MOCS3: variants seen among roughly 807,000 people sequenced by gnomAD.
MOCS3 encodes adenylyltransferase and sulfurtransferase MOCS3.
Under a neutral mutation model 8.4 loss-of-function variants are expected in MOCS3, and 9 were observed. The observed-to-expected ratio is 1.07, with a 90% confidence interval of 0.65 to 1.87. The LOEUF (loss-of-function observed/expected upper bound fraction) is 1.87, where lower values mean the gene tolerates loss of function less well. Ranked by LOEUF, MOCS3 falls within the 40% of genes most tolerant of loss-of-function variation. MOCS3 has a pLI of 0.00. For missense variants in MOCS3, 581 were observed against 599.7 expected, an observed-to-expected ratio of 0.97 and a Z score of 0.33; for synonymous variants, 294 against 272.0, an observed-to-expected ratio of 1.08 and a Z score of -0.80.
In MOCS3 at chr20:50,961,645, T is replaced by C. The variant is rs1987105523; in HGVS notation, c.*1420T>C. On this transcript the variant is annotated 3_prime_UTR_variant, in exon 1 of 1. Coordinates refer to ENST00000244051, the MANE Select transcript of MOCS3 (RefSeq NM_014484.5). ...CCAGATTTACTTACCAGTTTGCAAT[T>C]TGTGATATAGAATCTTGTTTTATTA... 1 of 152,208 alleles carries C rather than the reference T, an allele frequency of 6.6e-6. No individual in the cohort carries two copies. Among genetic ancestry groups the C allele is most frequent in the Admixed American group, 6.5e-5 (1 of 15,288 alleles). 9.4% of individuals were successfully genotyped at this position (152,208 alleles called of 1,614,324 possible).
Position 50,961,266 on chromosome 20 carries a change from T to G in MOCS3, c.*1041T>G. 1 of 167,128 alleles carries G rather than the reference T, an allele frequency of 6.0e-6. No individual in the cohort carries two copies. Among genetic ancestry groups the G allele is most frequent in the Middle Eastern group, 3.1e-3 (1 of 318 alleles). The allele number at this position is 167,128 out of a possible 1,614,324, so 10.4% of individuals were successfully genotyped here. A position where few individuals can be genotyped will look rare whatever the true frequency, so the allele number is the denominator to read the frequency against. On this transcript the variant is annotated 3_prime_UTR_variant, in exon 1 of 1. Transcript: ENST00000244051. ...CTTTAATTTGCCTTTTCTCTTTTGATTTAATGTTTTTTTATTCCAGCATTT... is the reference window on the plus strand; with the variant it reads ...CTTTAATTTGCCTTTTCTCTTTTGAGTTAATGTTTTTTTATTCCAGCATTT...
Position 50,958,929 on chromosome 20 carries a change from G to A in MOCS3, c.87G>A (p.Ala29=). 1.2e-6 allele frequency: 2 copies of A among 1,610,140 alleles called. No homozygotes were observed. The highest frequency in any genetic ancestry group is 1.7e-6 in the Non-Finnish European group (2 of 1,177,352). Residue 29 remains alanine, a synonymous_variant, in exon 1 of 1, where the codon GCG becomes GCA. Coordinates refer to ENST00000244051, the MANE Select transcript of MOCS3 (RefSeq NM_014484.5). The part of the protein sequence containing the change: ...EELNSLKQKL[A]SALLAEQEPQ... ...TGAATTCGCTGAAGCAGAAGCTGGC[G>A]TCGGCTCTTTTGGCTGAGCAGGAAC...
chr20:50,960,236 A>G lies in MOCS3; in HGVS notation c.*11A>G. On this transcript the variant is annotated 3_prime_UTR_variant, in exon 1 of 1. Transcript: ENST00000244051. ...TTTCCACAGTACTGAGGTGACTGGT[A>G]TAGTCTGATGAGAAAGATGTGGATT... 4 of 1,587,374 alleles carry G rather than the reference A, an allele frequency of 2.5e-6. No homozygotes were observed. Among genetic ancestry groups the G allele is most frequent in the Non-Finnish European group, 2.6e-6 (3 of 1,165,196 alleles).
chr20:50,960,900 C>T lies in MOCS3; in HGVS notation c.*675C>T, dbSNP rs371870989. The T allele has an allele frequency of 1.5e-3, 233 of 155,184 alleles. No homozygotes were observed. Among genetic ancestry groups the T allele is most frequent in the African/African-American group, 4.7e-3 (195 of 41,520 alleles). The allele number at this position is 155,184 out of a possible 1,614,324, so 9.6% of individuals were successfully genotyped here. A position where few individuals can be genotyped will look rare whatever the true frequency, so the allele number is the denominator to read the frequency against. On this transcript the variant is annotated 3_prime_UTR_variant, in exon 1 of 1. Coordinates refer to ENST00000244051, the MANE Select transcript of MOCS3 (RefSeq NM_014484.5). ...CTGGGATTACAGGCGCACGCCACCACGCCTGGCTAATTTTTGTATTTTTAG... is the reference window on the plus strand; with the variant it reads ...CTGGGATTACAGGCGCACGCCACCATGCCTGGCTAATTTTTGTATTTTTAG...
Position 50,959,111 on chromosome 20 carries a change from G to T in MOCS3, c.269G>T (p.Cys90Phe). ...LGTACVLIVG[C>F]GGLGCPLAQY... ...ACCGCGTGCGTGCTAATCGTGGGCT[G>T]CGGTGGGCTCGGCTGTCCACTAGCG... Residue 90 changes from cysteine (C) to phenylalanine (F), a missense_variant, in exon 1 of 1, where the codon TGC becomes TTC. Coordinates refer to ENST00000244051, the MANE Select transcript of MOCS3 (RefSeq NM_014484.5). 6.2e-7 allele frequency: 1 copy of T among 1,613,164 alleles called. No homozygotes were observed. The highest frequency in any genetic ancestry group is 8.5e-7 in the Non-Finnish European group (1 of 1,179,908).
In MOCS3 at chr20:50,959,360, A is replaced by T; in HGVS notation, c.518A>T (p.Tyr173Phe). 1.2e-6 allele frequency: 2 copies of T among 1,611,592 alleles called. No homozygotes were observed. Among genetic ancestry groups the T allele is most frequent in the Non-Finnish European group, 1.7e-6 (2 of 1,178,612 alleles). The change falls in exon 1 of 1, where the codon TAT (tyrosine) becomes TTT (phenylalanine). Residue 173 changes from tyrosine to phenylalanine, a missense_variant. Coordinates refer to ENST00000244051, the MANE Select transcript of MOCS3 (RefSeq NM_014484.5). The part of the protein sequence containing the change: ...PATALDLVRR[Y>F]DVVADCSDNV... ...ACTGCCCTAGACCTGGTCCGCCGAT[A>T]TGATGTGGTGGCTGACTGCTCGGAC...
At position 50,961,300 on chromosome 20, in the gene MOCS3, T is replaced by G. The variant is rs1229433081; in HGVS notation, c.*1075T>G. 1.8e-5 allele frequency: 3 copies of G among 166,650 alleles called. No individual in the cohort carries two copies. The highest frequency in any genetic ancestry group is 4.4e-5 in the Non-Finnish European group (3 of 68,062). The allele number at this position is 166,650 out of a possible 1,614,324, so 10.3% of individuals were successfully genotyped here. A position where few individuals can be genotyped will look rare whatever the true frequency, so the allele number is the denominator to read the frequency against. The stretch of plus-strand genomic sequence containing the variant: ...TTTTTATTCCAGCATTTTATACTAA[T>G]GTAAAATGTTTTTATGTTTGTTTAC... On this transcript the variant is annotated 3_prime_UTR_variant, in exon 1 of 1. Transcript: ENST00000244051.
In MOCS3 at chr20:50,962,716, A is replaced by G. The variant is rs1442157832; in HGVS notation, c.*2491A>G. On this transcript the variant is annotated 3_prime_UTR_variant, in exon 1 of 1. Coordinates refer to ENST00000244051, the MANE Select transcript of MOCS3 (RefSeq NM_014484.5). ...AGGCACCTGCCACCACATCTGGCTAATTTTTCTATTTTTAGTAGCGATGGG... is the reference window on the plus strand; with the variant it reads ...AGGCACCTGCCACCACATCTGGCTAGTTTTTCTATTTTTAGTAGCGATGGG... 1 of 151,976 alleles carries G rather than the reference A, an allele frequency of 6.6e-6. No homozygotes were observed. Among genetic ancestry groups the G allele is most frequent in the East Asian group, 1.9e-4 (1 of 5,168 alleles). The allele number at this position is 151,976 out of a possible 1,614,324, so 9.4% of individuals were successfully genotyped here.
Position 50,959,951 on chromosome 20 carries a change from C to T in MOCS3, c.1109C>T (p.Ala370Val). The change falls in exon 1 of 1, where the codon GCC becomes GTC. Residue 370 changes from alanine to valine, a missense_variant. Transcript: ENST00000244051. Reference sequence around the variant, plus strand: ...GTGGACATTTGTCGTTTGCCTCATGCCCTACACATCCCTCTGAAACATTTG... The same window carrying T: ...GTGGACATTTGTCGTTTGCCTCATGTCCTACACATCCCTCTGAAACATTTG... ...VEVDICRLPH[A>V]LHIPLKHLER... 6.2e-7 allele frequency: 1 copy of T among 1,614,260 alleles called. No individual in the cohort carries two copies. Among genetic ancestry groups the T allele is most frequent in the Non-Finnish European group, 8.5e-7 (1 of 1,180,050 alleles).
Position 50,959,981 on chromosome 20 carries a change from G to A in MOCS3, c.1139G>A (p.Arg380His), listed in dbSNP as rs532693962. 9 of 1,614,264 alleles carry A rather than the reference G, an allele frequency of 5.6e-6. No individual in the cohort carries two copies. The East Asian group carries it at 1.3e-4, about 24-fold the overall frequency. ...ALHIPLKHLE[R>H]RDAESLKLLK... ...CACATCCCTCTGAAACATTTGGAAC[G>A]CAGGGATGCGGAGAGCCTGAAACTC... is the stretch of plus-strand genomic sequence containing the variant. The change falls in exon 1 of 1, where the codon CGC (arginine) becomes CAC (histidine). Residue 380 changes from arginine (R) to histidine (H), a missense_variant. Transcript: ENST00000244051.
chr20:50,959,957 A>C lies in MOCS3; in HGVS notation c.1115A>C (p.His372Pro), dbSNP rs762649814. 1 of 1,614,238 alleles carries C rather than the reference A, an allele frequency of 6.2e-7. No homozygotes were observed. Among genetic ancestry groups the C allele is most frequent in the East Asian group, 2.2e-5 (1 of 44,890 alleles). Residue 372 changes from histidine (H) to proline (P), a missense_variant, in exon 1 of 1, where the codon CAC (histidine) becomes CCC (proline). Physicochemically the swap from His to Pro is moderately conservative, Grantham distance 77. Transcript: ENST00000244051. Reference sequence around the variant, plus strand: ...ATTTGTCGTTTGCCTCATGCCCTACACATCCCTCTGAAACATTTGGAACGC... The same window carrying C: ...ATTTGTCGTTTGCCTCATGCCCTACCCATCCCTCTGAAACATTTGGAACGC... ...VDICRLPHAL[H>P]IPLKHLERRD...
chr20:50,960,749 T>TC lies in MOCS3; in HGVS notation c.*524_*525insC, dbSNP rs1455512365. The TC allele has an allele frequency of 1.1e-4, 18 of 164,702 alleles. No homozygotes were observed. Among genetic ancestry groups the TC allele is most frequent in the African/African-American group, 4.3e-4 (18 of 41,402 alleles). 10.2% of individuals were successfully genotyped at this position (164,702 alleles called of 1,614,324 possible). A position where few individuals can be genotyped will look rare whatever the true frequency, so the allele number is the denominator to read the frequency against. On this transcript the variant is annotated 3_prime_UTR_variant, in exon 1 of 1. Coordinates refer to ENST00000244051, the MANE Select transcript of MOCS3 (RefSeq NM_014484.5). ...TTGAATTAGTATCAAAATGAGATTTTTTTTTTTTTTTTGAGATGGAATCTC... is the reference window on the plus strand; with the variant it reads ...TTGAATTAGTATCAAAATGAGATTTTCTTTTTTTTTTTTGAGATGGAATCTC...
At position 50,959,268 on chromosome 20, in the gene MOCS3, C is replaced by G; in HGVS notation, c.426C>G (p.Ala142=). 1 of 1,609,742 alleles carries G rather than the reference C, an allele frequency of 6.2e-7. No individual in the cohort carries two copies. The highest frequency in any genetic ancestry group is 1.1e-5 in the South Asian group (1 of 91,028). The change falls in exon 1 of 1, where the codon GCC becomes GCG. Residue 142 remains alanine (A), a synonymous_variant. Transcript: ENST00000244051. ...GCCAGGCCAAGGCCTTTTCGGCCGCCGCCTCGCTGCGCCGCCTCAATTCGG... is the reference window on the plus strand; with the variant it reads ...GCCAGGCCAAGGCCTTTTCGGCCGCGGCCTCGCTGCGCCGCCTCAATTCGG... The part of the protein sequence containing the change: ...LAGQAKAFSA[A]ASLRRLNSAV...
In MOCS3 at chr20:50,959,078, G is replaced by A; in HGVS notation, c.236G>A (p.Arg79His). The change falls in exon 1 of 1, where the codon CGC becomes CAC. Residue 79 changes from arginine (R) to histidine (H), a missense_variant. Transcript: ENST00000244051. ...GAGCTGGGCGTGCACGGACAGCTGC[G>A]CCTGGGGACCGCGTGCGTGCTAATC... ...LPELGVHGQLRLGTACVLIVG... is the reference protein window; with the variant it reads ...LPELGVHGQLHLGTACVLIVG... 1 of 1,613,030 alleles carries A rather than the reference G, an allele frequency of 6.2e-7. No individual in the cohort carries two copies. The highest frequency in any genetic ancestry group is 8.5e-7 in the Non-Finnish European group (1 of 1,179,866).
Position 50,959,209 on chromosome 20 carries a change from G to C in MOCS3, c.367G>C (p.Ala123Pro). ...TGACGTGGTAGAGATGAGCAACCTGGCCCGCCAAGTGCTGCATGGCGAGGC... is the reference window on the plus strand; with the variant it reads ...TGACGTGGTAGAGATGAGCAACCTGCCCCGCCAAGTGCTGCATGGCGAGGC... ...DYDVVEMSNL[A>P]RQVLHGEALA... The change falls in exon 1 of 1, where the codon GCC becomes CCC. Residue 123 changes from alanine to proline, a missense_variant. By Grantham distance (27) the Ala-to-Pro change is conservative (BLOSUM62 -1). Coordinates refer to ENST00000244051, the MANE Select transcript of MOCS3 (RefSeq NM_014484.5). The C allele has an allele frequency of 6.2e-7, 1 of 1,611,742 alleles. No individual in the cohort carries two copies.
rs1987081549 is a variant in MOCS3, at chr20:50,960,488, G to T, written c.*263G>T. The T allele has an allele frequency of 5.6e-6, 2 of 355,196 alleles. No individual in the cohort carries two copies. The highest frequency in any genetic ancestry group is 1.1e-5 in the Non-Finnish European group (2 of 187,420). The allele number at this position is 355,196 out of a possible 1,614,324, so 22.0% of individuals were successfully genotyped here. ...TGGACATGTGAGATGTAACGTGACAGGATTTTGCATTTTAAACTGCAGATC... is the reference window on the plus strand; with the variant it reads ...TGGACATGTGAGATGTAACGTGACATGATTTTGCATTTTAAACTGCAGATC... On this transcript the variant is annotated 3_prime_UTR_variant, in exon 1 of 1. Coordinates refer to ENST00000244051, the MANE Select transcript of MOCS3 (RefSeq NM_014484.5).
At position 50,959,131 on chromosome 20, in the gene MOCS3, CTAGCGCAGTACTTG is replaced by C. The variant is rs1280894367; in HGVS notation, c.290_303del (p.Leu97ArgfsTer14). 2 of 1,613,136 alleles carry C rather than the reference CTAGCGCAGTACTTG, an allele frequency of 1.2e-6. No individual in the cohort carries two copies. The highest frequency in any genetic ancestry group is 1.7e-6 in the Non-Finnish European group (2 of 1,179,932). ...GGGCTGCGGTGGGCTCGGCTGTCCA[CTAGCGCAGTACTTG>C]GCAGCGGCCGGCGTGGGCCGCCTTG... On this transcript the variant is annotated frameshift_variant, in exon 1 of 1. Coordinates refer to ENST00000244051, the MANE Select transcript of MOCS3 (RefSeq NM_014484.5). LOFTEE classifies it low-confidence loss of function (END_TRUNC).
In MOCS3 at chr20:50,960,107, T is replaced by C; in HGVS notation, c.1265T>C (p.Val422Ala). 6.2e-7 allele frequency: 1 copy of C among 1,614,246 alleles called. No homozygotes were observed. The highest frequency in any genetic ancestry group is 8.5e-7 in the Non-Finnish European group (1 of 1,180,048). ...CTGGGAAATGACTCACAGAAAGCCG[T>C]GAAGATCCTCCAGTCCTTATCAGCA... ...CKLGNDSQKA[V>A]KILQSLSAAQ... is the part of the protein sequence containing the mutation. Residue 422 changes from valine (V) to alanine (A), a missense_variant, in exon 1 of 1, where the codon GTG becomes GCG. By Grantham distance (64) the Val-to-Ala change is moderately conservative (BLOSUM62 0). Transcript: ENST00000244051.
chr20:50,960,326 C>A lies in MOCS3; in HGVS notation c.*101C>A. The A allele has an allele frequency of 7.9e-7, 1 of 1,259,646 alleles. No homozygotes were observed. Among genetic ancestry groups the A allele is most frequent in the Non-Finnish European group, 1.1e-6 (1 of 926,696 alleles). The allele number at this position is 1,259,646 out of a possible 1,614,324, so 78.0% of individuals were successfully genotyped here. A position where few individuals can be genotyped will look rare whatever the true frequency, so the allele number is the denominator to read the frequency against. On this transcript the variant is annotated 3_prime_UTR_variant, in exon 1 of 1. Transcript: ENST00000244051. The stretch of plus-strand genomic sequence containing the variant: ...GTAATATACATAGGAGCTGGGGATT[C>A]TACAGTATCTGTGAATACGTGGACT...
Sources: allele counts gnomAD v4.1 joint callset, GRCh38; gene constraint gnomAD v4.1.1; transcripts MANE v1.5; gene names NCBI Gene and HGNC (gene_info 2026-07-23, HGNC 2026-07-21).